NTNG1: variants seen among roughly 807,000 people sequenced by gnomAD.
NTNG1 encodes netrin-G1.
Under a neutral mutation model 54.0 loss-of-function variants are expected in NTNG1, and 16 were observed. That is an observed-to-expected ratio of 0.30 (90% CI 0.20 to 0.45). The LOEUF is 0.45. Ranked by LOEUF, NTNG1 falls within the 20% of genes least tolerant of loss-of-function variation. The pLI is 1.00. For missense variants in NTNG1, 530 were observed against 678.7 expected (o/e 0.78, Z 2.43); for synonymous variants, 255 against 263.1 (o/e 0.97, Z 0.30).
At chr1:107,244,433 C>T (rs1016849166) in intron 2 of NTNG1, among the ~76,000 whole-genome samples, 2 of 152,142 alleles carry the variant, frequency 1.3e-5, no homozygotes, top group African/African-American at 4.8e-5. Context: ...GTATTATGTG[C>T]CCGCATCTGC....
At position 107,480,869 on chromosome 1, in the gene NTNG1, C is replaced by A; in HGVS notation, c.*29C>A. 1 of 1,517,528 alleles carries A rather than the reference C, an allele frequency of 6.6e-7. No individual in the cohort carries two copies. The highest frequency in any genetic ancestry group is 8.9e-7 in the Non-Finnish European group (1 of 1,118,458). 94.0% of individuals were successfully genotyped at this position (1,517,528 alleles called of 1,614,324 possible). On this transcript the variant is annotated 3_prime_UTR_variant, in exon 8 of 8. Transcript: ENST00000370068. ...TCACCTCCAGCCACACCGGACGGGC[C>A]TGTGCCGTGGGGAAGCAGACACAAC... is the stretch of plus-strand genomic sequence containing the variant.
chr1:107,232,637 T>A (rs1661148447), intron 2 of NTNG1, among the ~76,000 whole-genome samples: 1 of 152,220 alleles, frequency 6.6e-6, no homozygotes, highest in African/African-American at 2.4e-5. Flanking sequence ...TCTTGAGATA[T>A]TATATTTGTA....
At chr1:107,197,574 G>A (rs1273450369) in intron 2 of NTNG1, among the ~76,000 whole-genome samples, 4 of 151,896 alleles carry the variant, frequency 2.6e-5, no homozygotes, top group African/African-American at 9.7e-5. Context: ...CTGATAAGGC[G>A]ACACTCAGAG....
intron 2 of NTNG1, among the ~76,000 whole-genome samples, chr1:107,270,723 C>T (rs1664086849): frequency 7.2e-6 from 1 of 138,742 alleles, no homozygotes; most frequent in South Asian, 2.8e-4. Context: ...CGCCCCCCCA[C>T]CCCCAACCCG....
intron 3 of NTNG1, among the ~76,000 whole-genome samples, chr1:107,377,928 A>C (rs1282587629): frequency 6.6e-6 from 1 of 152,240 alleles, no homozygotes; most frequent in Non-Finnish European, 1.5e-5. Flanking sequence ...TATATATTGC[A>C]TAAAGGAAAA....
chr1:107,292,925 T>A (rs1262215063), intron 2 of NTNG1, among the ~76,000 whole-genome samples: 1 of 152,070 alleles, frequency 6.6e-6, no homozygotes, highest in Non-Finnish European at 1.5e-5. Context: ...GCTCTAAAAC[T>A]TTTTAATAAA....
intron 2 of NTNG1, among the ~76,000 whole-genome samples, chr1:107,163,191 GTTT>G (rs1178168143): frequency 6.6e-6 from 1 of 152,018 alleles, no homozygotes; most frequent in African/African-American, 2.4e-5. Flanking sequence ...AGCTTTTTGG[GTTT>G]TTAGACATTT....
At chr1:107,405,496 A>G (rs1031737282) in intron 4 of NTNG1, among the ~76,000 whole-genome samples, 3 of 152,154 alleles carry the variant, frequency 2.0e-5, no homozygotes, top group Non-Finnish European at 4.4e-5. Flanking sequence ...TGAGGTTTGG[A>G]AACTTGGAAC....
intron 3 of NTNG1, among the ~76,000 whole-genome samples, chr1:107,392,761 G>C (rs1358632198): frequency 6.6e-6 from 1 of 152,086 alleles, no homozygotes; most frequent in East Asian, 1.9e-4. Context: ...ATGCACAGCA[G>C]GTATTTCCTC....
At chr1:107,162,463 A>G (rs1397619773) in intron 2 of NTNG1, among the ~76,000 whole-genome samples, 1 of 152,168 alleles carries the variant, frequency 6.6e-6, no homozygotes, top group Non-Finnish European at 1.5e-5. Context: ...ATTTTTGGTA[A>G]AACTCTATGT....
chr1:107,331,551 G>A (rs1180333390), intron 3 of NTNG1, among the ~76,000 whole-genome samples: 1 of 151,988 alleles, frequency 6.6e-6, no homozygotes, highest in Non-Finnish European at 1.5e-5. Flanking sequence ...AAATAAATAA[G>A]CTGTATTTTC....
At chr1:107,351,221 C>G (rs916442271) in intron 3 of NTNG1, among the ~76,000 whole-genome samples, 2 of 152,118 alleles carry the variant, frequency 1.3e-5, no homozygotes, top group African/African-American at 4.8e-5. Flanking sequence ...TAGGATTTTG[C>G]CACTCACAAT....
At position 107,341,591 on chromosome 1, in the gene NTNG1, G is replaced by A. The variant is rs191518387; in HGVS notation, c.887+16669G>A. Among the ~76,000 whole-genome samples the A allele has an allele frequency of 2.0e-5, 3 of 152,154 alleles. No individual in the cohort carries two copies. The East Asian group carries it at 5.8e-4, about 30-fold the overall frequency. On this transcript the variant is annotated intron_variant, in intron 3 of 7. Transcript: ENST00000370068. ...GATGGCCTACTTTGACATTTTGCAT[G>A]GATGGCTCTTGAGAATGAAAATCAT...
At chr1:107,367,242 A>G (rs1670652842) in intron 3 of NTNG1, among the ~76,000 whole-genome samples, 1 of 152,166 alleles carries the variant, frequency 6.6e-6, no homozygotes, top group Admixed American at 6.5e-5. Context: ...GCCCCAAAGA[A>G]GAAGTACAGA....
intron 4 of NTNG1, among the ~76,000 whole-genome samples, chr1:107,406,817 C>T (rs1673457057): frequency 6.6e-6 from 1 of 152,116 alleles, no homozygotes; most frequent in Non-Finnish European, 1.5e-5. Flanking sequence ...CTACAGAGGG[C>T]ATAAGCAACT....
At chr1:107,407,496 G>C (rs1673505269) in intron 4 of NTNG1, among the ~76,000 whole-genome samples, 186 bp from the exon 5 acceptor site, 3 of 151,982 alleles carry the variant, frequency 2.0e-5, no homozygotes, top group African/African-American at 7.2e-5. Flanking sequence ...TGGAAATTGT[G>C]TGTGTGTGTG....
chr1:107,338,589 T>A (rs1408480825), intron 3 of NTNG1, among the ~76,000 whole-genome samples: 1 of 151,936 alleles, frequency 6.6e-6, no homozygotes, highest in Non-Finnish European at 1.5e-5. Flanking sequence ...TTTATCCTCT[T>A]CCATGATTCA....
At chr1:107,218,537 T>G (rs1046823871) in intron 2 of NTNG1, among the ~76,000 whole-genome samples, 1 of 152,172 alleles carries the variant, frequency 6.6e-6, no homozygotes, top group Non-Finnish European at 1.5e-5. Flanking sequence ...ATTGCATAGT[T>G]GTTTTATAGG....
chr1:107,399,554 G>A (rs564990982), intron 4 of NTNG1, among the ~76,000 whole-genome samples: 17 of 152,182 alleles, frequency 1.1e-4, no homozygotes, highest in African/African-American at 3.9e-4. Flanking sequence ...TTTCCCAGGT[G>A]TACACATGTA....
Sources: allele counts gnomAD v4.1 joint callset (sites outside exome capture counted in the v4.1 genomes callset), GRCh38; gene constraint gnomAD v4.1.1; transcripts MANE v1.5; gene names NCBI Gene and HGNC (gene_info 2026-07-23, HGNC 2026-07-21).